The following NEBL variants were observed in gnomAD, a reference collection of about 807,000 sequenced individuals.
NEBL encodes the protein nebulette.
A neutral mutation model predicts 140.2 loss-of-function variants in NEBL; 122 were observed. The ratio of observed to expected loss-of-function variants is 0.87; its 90% CI spans 0.75 to 1.01. NEBL has a LOEUF of 1.01. Ranked by LOEUF, NEBL falls within the 50% of genes least tolerant of loss-of-function variation. The probability of loss-of-function intolerance (pLI) is 0.00; values close to 1 mark genes in which losing one functional copy is unlikely to be tolerated. For missense variants in NEBL, 1,365 were observed against 1,231.3 expected (o/e 1.11, Z -1.62); for synonymous variants, 436 against 398.9 (o/e 1.09, Z -1.11).
At chr10:21,219,526 T>C (rs1842039164) in intron 3 of NEBL, among the ~76,000 whole-genome samples, 1 of 152,238 alleles carries the variant, frequency 6.6e-6, no homozygotes, top group South Asian at 2.1e-4. Flanking sequence ...TTGTGGAACA[T>C]TTTGAAATGA....
Position 20,819,123 on chromosome 10 carries a change from T to C in NEBL, c.2055+301A>G, listed in dbSNP as rs1394964921. The C allele has an allele frequency of 4.3e-6, 4 of 934,970 alleles. 1 individual carries two copies. In the South Asian group the frequency reaches 6.8e-5, roughly 16 times the overall value. The allele number at this position is 934,970 out of a possible 1,614,324, so 57.9% of individuals were successfully genotyped here. A position where few individuals can be genotyped will look rare whatever the true frequency, so the allele number is the denominator to read the frequency against. On this transcript the variant is annotated intron_variant, in intron 20 of 27. Coordinates refer to ENST00000377122, the MANE Select transcript of NEBL (RefSeq NM_006393.3). ...GTGCAGGTTTGTTACACAGGTGAAC[T>C]TGTGTTATGGGAGTTTGTTGTACAG...
intron 4 of NEBL, chr10:20,961,665 C>T (rs1231536673): frequency 6.3e-7 from 1 of 1,580,352 alleles, no homozygotes; most frequent in East Asian, 2.2e-5. Flanking sequence ...AATAAACAGG[C>T]ACCTACATTA....
intron 4 of NEBL, among the ~76,000 whole-genome samples, chr10:20,936,555 G>T (rs147820681): frequency 3.9e-5 from 6 of 152,288 alleles, no homozygotes; most frequent in Middle Eastern, 6.8e-3. Context: ...TTACAATTAG[G>T]TCTGGCCTTA....
chr10:21,055,099 T>C (rs1834952748), intron 2 of NEBL, among the ~76,000 whole-genome samples: 1 of 152,230 alleles, frequency 6.6e-6, no homozygotes, highest in Non-Finnish European at 1.5e-5. Flanking sequence ...GGGGGAGTTG[T>C]TGATACTGAG....
intron 2 of NEBL, among the ~76,000 whole-genome samples, chr10:21,144,387 C>G (rs1489700642): frequency 6.6e-6 from 1 of 152,224 alleles, no homozygotes; most frequent in African/African-American, 2.4e-5. Flanking sequence ...AACGCACCCT[C>G]CTTGGCCAGT....
At chr10:20,955,506 G>A (rs1835756488) in intron 4 of NEBL, among the ~76,000 whole-genome samples, 2 of 152,144 alleles carry the variant, frequency 1.3e-5, no homozygotes, top group South Asian at 4.1e-4. Flanking sequence ...GAGTAAGTAG[G>A]CAGGCCTAAA....
In NEBL at chr10:20,780,577, T is replaced by C. The variant is rs149868974; in HGVS notation, c.*5170A>G. On this transcript the variant is annotated 3_prime_UTR_variant, in exon 28 of 28. Transcript: ENST00000377122. ...GACCCGGGGTATTATTAGGGTGCAT[T>C]GCTTGCATCTAACAACCCATGCTCC... The C allele has an allele frequency of 2.2e-4, 33 of 152,304 alleles. No individual in the cohort carries two copies. Among genetic ancestry groups the C allele is most frequent in the African/African-American group, 7.5e-4 (31 of 41,572 alleles). 9.4% of individuals were successfully genotyped at this position (152,304 alleles called of 1,614,324 possible).
intron 3 of NEBL, among the ~76,000 whole-genome samples, chr10:21,202,046 T>G (rs1841746615): frequency 6.6e-6 from 1 of 152,158 alleles, no homozygotes; most frequent in Admixed American, 6.5e-5. Context: ...TGATACAACA[T>G]CTGTCTCTGC....
chr10:21,000,698 C>A lies in NEBL; in HGVS notation c.249+19419G>T, dbSNP rs1014265137. ...GCAAACAGAAATAAGGCTCCCAAAA[C>A]GAGAAAGCAACACCCCAAAATGACA... is the stretch of plus-strand genomic sequence containing the variant. On this transcript the variant is annotated intron_variant, in intron 3 of 6. Transcript: ENST00000417816. Among the ~76,000 whole-genome samples the A allele has an allele frequency of 2.6e-5, 4 of 152,174 alleles. No individual in the cohort carries two copies. In the East Asian group the frequency reaches 7.7e-4, roughly 29 times the overall value.
intron 3 of NEBL, among the ~76,000 whole-genome samples, chr10:21,185,826 G>A (rs1051071357): frequency 6.6e-6 from 1 of 152,214 alleles, no homozygotes; most frequent in Middle Eastern, 3.4e-3. Flanking sequence ...CTCAGACCCT[G>A]TGGCTCATGC....
intron 4 of NEBL, among the ~76,000 whole-genome samples, chr10:20,950,224 C>T (rs45471295): frequency 0.029 from 4,407 of 152,268 alleles, 89 homozygotes; most frequent in Non-Finnish European, 0.045. Flanking sequence ...GCAATGTGCG[C>T]GGCACATAGT....
chr10:21,120,403 T>C lies in NEBL; in HGVS notation c.164+51980A>G, dbSNP rs866370907. 1.4e-3 allele frequency among the ~76,000 whole-genome samples: 169 copies of C among 119,900 alleles called. 4 individuals carry two copies. Among genetic ancestry groups the C allele is most frequent in the African/African-American group, 6.0e-3 (158 of 26,156 alleles). The allele number at this position is 119,900 out of a possible 152,430, so 78.7% of individuals were successfully genotyped here. A position where few individuals can be genotyped will look rare whatever the true frequency, so the allele number is the denominator to read the frequency against. ...AAAAAAAAAAAAATACATATATATA[T>C]ATATATATATATATATATATAAATT... On this transcript the variant is annotated intron_variant, in intron 2 of 6. Coordinates refer to the NEBL transcript ENST00000417816.
chr10:20,947,814 G>A (rs1247055236), intron 4 of NEBL, among the ~76,000 whole-genome samples: 1 of 152,106 alleles, frequency 6.6e-6, no homozygotes, highest in Non-Finnish European at 1.5e-5. Context: ...GAGGTAAGGG[G>A]CACCCAAAAT....
chr10:20,815,561 G>T lies in NEBL; in HGVS notation c.2241+64C>A, dbSNP rs1323965466. ...AGTTTTATTTTCACAAGCAAAGGAGGACCGCAAGTAAATAATAAAAGACAC... is the reference window on the plus strand; with the variant it reads ...AGTTTTATTTTCACAAGCAAAGGAGTACCGCAAGTAAATAATAAAAGACAC... On this transcript the variant is annotated intron_variant, in intron 22 of 27. Coordinates refer to ENST00000377122, the MANE Select transcript of NEBL (RefSeq NM_006393.3). 17 of 1,228,210 alleles carry T rather than the reference G, an allele frequency of 1.4e-5. No homozygotes were observed. In the East Asian group the frequency reaches 4.0e-4, roughly 29 times the overall value. The allele number at this position is 1,228,210 out of a possible 1,614,324, so 76.1% of individuals were successfully genotyped here.
intron 3 of NEBL, among the ~76,000 whole-genome samples, chr10:21,180,163 G>T (rs1236876740): frequency 6.6e-6 from 1 of 151,792 alleles, no homozygotes; most frequent in Non-Finnish European, 1.5e-5. Flanking sequence ...AAAAGAAAAG[G>T]CAAGGAAACA....
At chr10:21,084,962 C>T (rs1380130487) in intron 2 of NEBL, among the ~76,000 whole-genome samples, 1 of 152,140 alleles carries the variant, frequency 6.6e-6, no homozygotes, top group Non-Finnish European at 1.5e-5. Context: ...AGAAAAGAGA[C>T]CAGTGGGTTA....
chr10:21,200,297 AT>A (rs1272539165), intron 3 of NEBL, among the ~76,000 whole-genome samples: 2 of 133,476 alleles, frequency 1.5e-5, no homozygotes, highest in African/African-American at 5.7e-5. Context: ...GAAGTGACAT[AT>A]TCCAAGGGAC....
chr10:21,270,324 C>T (rs7903792), intron 1 of NEBL, among the ~76,000 whole-genome samples: 66,545 of 151,694 alleles, frequency 0.44, 15,793 homozygotes, highest in African/African-American at 0.61. Context: ...CCTAGACTGT[C>T]ATAAAACTCT....
rs138868419 is a variant in NEBL at position 21,118,237 on chromosome 10, C to T, written c.164+54146G>A. The stretch of plus-strand genomic sequence containing the variant: ...AGCTGACAACTTATGTTTGTTGTTC[C>T]ATAATCCCTTCCTTATCGTTCTTTC... On this transcript the variant is annotated intron_variant, in intron 2 of 6. Coordinates refer to the NEBL transcript ENST00000417816. Among the ~76,000 whole-genome samples the T allele has an allele frequency of 4.4e-3, 675 of 152,216 alleles. 4 individuals carry two copies. Among genetic ancestry groups the T allele is most frequent in the African/African-American group, 0.015 (633 of 41,558 alleles).
Sources: gnomAD v4.1 joint callset for allele counts (sites outside exome capture counted in the v4.1 genomes callset) on GRCh38, gnomAD v4.1.1 for gene constraint, MANE v1.5 for transcripts, NCBI Gene and HGNC (gene_info 2026-07-23, HGNC 2026-07-21) for gene names.